The following TENM3 variants were observed in gnomAD, a reference collection of about 807,000 sequenced individuals.
The protein encoded by TENM3 is teneurin-3.
In TENM3, 63 loss-of-function variants were observed where a neutral mutation model predicts 255.1. That is an observed-to-expected ratio of 0.25 (90% CI 0.20 to 0.30). The LOEUF (loss-of-function observed/expected upper bound fraction) is 0.30, where lower values mean the gene tolerates loss of function less well. Ranked by LOEUF, TENM3 falls within the 10% of genes least tolerant of loss-of-function variation. The probability of loss-of-function intolerance (pLI) is 1.00; values close to 1 mark genes in which losing one functional copy is unlikely to be tolerated. For missense variants in TENM3, 2,929 were observed against 3,461.1 expected (o/e 0.85, Z 3.86); for synonymous variants, 1,306 against 1,322.3 (o/e 0.99, Z 0.27).
At chr4:181,695,014 G>C in the TENM3 span, among the ~76,000 whole-genome samples, 44 of 151,994 alleles carry the variant, frequency 2.9e-4, no homozygotes, top group African/African-American at 1.1e-3. Context: ...ATTTCATTTT[G>C]ATTCTGTTGT....
the TENM3 span, among the ~76,000 whole-genome samples, chr4:181,852,950 A>G: frequency 6.6e-6 from 1 of 152,226 alleles, no homozygotes; most frequent in African/African-American, 2.4e-5. Context: ...TGTGTATTTT[A>G]CCACAATAAG....
At position 182,801,490 on chromosome 4, in the gene TENM3, A is replaced by G. The variant is rs1023181863; in HGVS notation, c.*1139A>G. The G allele has an allele frequency of 7.2e-5, 11 of 152,198 alleles. No individual in the cohort carries two copies. The highest frequency in any genetic ancestry group is 2.4e-4 in the African/African-American group (10 of 41,446). 9.4% of individuals were successfully genotyped at this position (152,198 alleles called of 1,614,324 possible). A position where few individuals can be genotyped will look rare whatever the true frequency, so the allele number is the denominator to read the frequency against. Reference sequence around the variant, plus strand: ...GGCCCTCTCTCAACCTTGCAAGTCAATGGGGAGTTGTTGATATAATTAACC... The same window carrying G: ...GGCCCTCTCTCAACCTTGCAAGTCAGTGGGGAGTTGTTGATATAATTAACC... On this transcript the variant is annotated 3_prime_UTR_variant, in exon 28 of 28. Transcript: ENST00000511685.
the TENM3 span, among the ~76,000 whole-genome samples, chr4:181,578,183 G>A: frequency 1.3e-5 from 2 of 152,184 alleles, no homozygotes; most frequent in Non-Finnish European, 2.9e-5. Context: ...AATAGTTAAA[G>A]AAAGCCTTTC....
the TENM3 span, among the ~76,000 whole-genome samples, chr4:181,932,458 A>C: frequency 6.6e-6 from 1 of 152,248 alleles, no homozygotes; most frequent in Non-Finnish European, 1.5e-5. Context: ...TCAAAACCAC[A>C]ATGAGATACC....
the TENM3 span, among the ~76,000 whole-genome samples, chr4:181,485,162 G>T: frequency 1.3e-5 from 2 of 152,034 alleles, no homozygotes; most frequent in African/African-American, 2.4e-5. Context: ...GATTTTAAAC[G>T]GTAGTCACTG....
At chr4:181,477,063 AATTCATTCATTCATTC>A in the TENM3 span, among the ~76,000 whole-genome samples, 28 of 150,270 alleles carry the variant, frequency 1.9e-4, 2 homozygotes, top group Middle Eastern at 0.01. Context: ...AGGAAAACCC[AATTCATTCATTCATTC>A]ATTCATTCAT....
chr4:181,981,002 A>G, the TENM3 span, among the ~76,000 whole-genome samples: 2 of 152,206 alleles, frequency 1.3e-5, no homozygotes, highest in African/African-American at 2.4e-5. Context: ...CTGTGTTAAT[A>G]TGTCTAGTCA....
At chr4:182,528,699 C>G (rs1409470217) in intron 3 of TENM3, among the ~76,000 whole-genome samples, 1 of 152,198 alleles carries the variant, frequency 6.6e-6, no homozygotes, top group Non-Finnish European at 1.5e-5. Context: ...ATCATTTAAA[C>G]TGCAGGGTTG....
chr4:181,730,048 C>T, the TENM3 span, among the ~76,000 whole-genome samples: 18,827 of 152,104 alleles, frequency 0.12, 1,533 homozygotes, highest in Middle Eastern at 0.28. Flanking sequence ...CTCTTCAAAG[C>T]GGGGCAGGAG....
At chr4:182,694,341 A>G (rs1217001388) in intron 12 of TENM3, among the ~76,000 whole-genome samples, 1 of 152,014 alleles carries the variant, frequency 6.6e-6, no homozygotes, top group African/African-American at 2.4e-5. Flanking sequence ...CTCACACTCC[A>G]GGACGCAAGC....
At chr4:182,213,845 A>G (rs113801935) in intron 1 of TENM3, among the ~76,000 whole-genome samples, 9,974 of 152,188 alleles carry the variant, frequency 0.066, 440 homozygotes, top group Non-Finnish European at 0.097. Context: ...TCTGTCGCCC[A>G]GGCTGGAGTG....
At chr4:182,265,597 A>G (rs980423667) in intron 1 of TENM3, among the ~76,000 whole-genome samples, 30 of 152,094 alleles carry the variant, frequency 2.0e-4, no homozygotes, top group African/African-American at 7.0e-4. Context: ...GGCCCTAGAA[A>G]TGCATGCTGG....
chr4:181,836,685 T>C, the TENM3 span, among the ~76,000 whole-genome samples: 1 of 152,210 alleles, frequency 6.6e-6, no homozygotes, highest in Non-Finnish European at 1.5e-5. Flanking sequence ...TTAGCCTCAC[T>C]GATAAAGCCA....
intron 17 of TENM3, 77 bp from the exon 18 acceptor site, chr4:182,738,324 G>T (rs1761328522): frequency 1.4e-6 from 2 of 1,412,162 alleles, no homozygotes; most frequent in Non-Finnish European, 1.9e-6. Context: ...GAAAAAGGCA[G>T]TTTTTTCCAA....
intron 1 of TENM3, among the ~76,000 whole-genome samples, chr4:182,278,087 C>A (rs1367052891): frequency 6.6e-6 from 1 of 152,170 alleles, no homozygotes; most frequent in Non-Finnish European, 1.5e-5. Flanking sequence ...GTACTAGCAG[C>A]CAGGCACGGT....
At chr4:182,285,409 G>A (rs182158234) in intron 1 of TENM3, among the ~76,000 whole-genome samples, 2 of 152,246 alleles carry the variant, frequency 1.3e-5, no homozygotes, top group Admixed American at 6.5e-5. Flanking sequence ...TACAGTCCAC[G>A]TGTGTTTATT....
chr4:182,076,960 T>C, the TENM3 span, among the ~76,000 whole-genome samples: 1 of 152,202 alleles, frequency 6.6e-6, no homozygotes. Flanking sequence ...TATTATATAA[T>C]AGATAATAAA....
rs79642394 is a variant in TENM3, at chr4:182,712,430, TA to T, written c.2222-1638del. ...GGGCAATTCAACCTTTCGTTTTCATTAAAAAAAAAAAAAAAAAAACACATCC... is the reference window on the plus strand; with the variant it reads ...GGGCAATTCAACCTTTCGTTTTCATTAAAAAAAAAAAAAAAAAACACATCC... On this transcript the variant is annotated intron_variant, in intron 12 of 27. Transcript: ENST00000511685. Among the ~76,000 whole-genome samples the T allele has an allele frequency of 7.8e-3, 1,100 of 140,770 alleles. 7 individuals carry two copies. The highest frequency in any genetic ancestry group is 0.015 in the Middle Eastern group (4 of 268). 92.4% of individuals were successfully genotyped at this position (140,770 alleles called of 152,430 possible).
At chr4:182,052,634 C>T in the TENM3 span, among the ~76,000 whole-genome samples, 2 of 152,134 alleles carry the variant, frequency 1.3e-5, no homozygotes, top group Non-Finnish European at 2.9e-5. Context: ...GCCTAACATT[C>T]ACCTAACATT....
Sources: gnomAD v4.1 joint callset for allele counts (sites outside exome capture counted in the v4.1 genomes callset) on GRCh38, gnomAD v4.1.1 for gene constraint, MANE v1.5 for transcripts, NCBI Gene and HGNC (gene_info 2026-07-23, HGNC 2026-07-21) for gene names.